MCF2L2: variants seen among roughly 807,000 people sequenced by gnomAD.
MCF2L2 encodes the protein probable guanine nucleotide exchange factor MCF2L2.
In MCF2L2, 102 loss-of-function variants were observed where a neutral mutation model predicts 150.2. The observed-to-expected ratio is 0.68, with a 90% CI of 0.58 to 0.80. The LOEUF is 0.80. Among genes scored for constraint, MCF2L2 ranks in the 30% least tolerant of loss-of-function variants. The pLI is 0.00. For synonymous variants in MCF2L2, 465 were observed against 491.3 expected, an observed-to-expected ratio of 0.95 and a Z score of 0.71; for missense variants, 1,256 against 1,372.8, an observed-to-expected ratio of 0.91 and a Z score of 1.34.
intron 14 of MCF2L2, among the ~76,000 whole-genome samples, chr3:183,285,427 A>G (rs1321558589): frequency 2.0e-5 from 3 of 152,260 alleles, no homozygotes; most frequent in African/African-American, 7.2e-5. Flanking sequence ...AGCTAGTTTC[A>G]AATCCCAGCT....
rs548559555 is a variant in MCF2L2 at position 183,204,990 on chromosome 3, G to T, written c.2884+886C>A. Among the ~76,000 whole-genome samples, 3 of 152,354 alleles carry T rather than the reference G, an allele frequency of 2.0e-5. No homozygotes were observed. In the South Asian group the frequency reaches 6.2e-4, roughly 32 times the overall value. ...TGCCAGGGGCTGGGTAAAGGTGAGA[G>T]ATGGAGAATGATTGCTAATTGGTAC... On this transcript the variant is annotated intron_variant, in intron 25 of 29. Coordinates refer to ENST00000328913, the MANE Select transcript of MCF2L2 (RefSeq NM_015078.4).
At chr3:183,326,367 C>A (rs996371718) in intron 5 of MCF2L2, among the ~76,000 whole-genome samples, 1 of 151,764 alleles carries the variant, frequency 6.6e-6, no homozygotes, top group South Asian at 2.1e-4. Context: ...TGGTGGGTGC[C>A]TGTAATCCCA....
At chr3:183,415,389 G>A (rs574257041) in intron 1 of MCF2L2, among the ~76,000 whole-genome samples, 27 of 152,178 alleles carry the variant, frequency 1.8e-4, no homozygotes, top group African/African-American at 6.3e-4. Flanking sequence ...GTTTCACCAC[G>A]TTGGCCAGGC....
chr3:183,353,415 G>A (rs1007700353), intron 3 of MCF2L2, among the ~76,000 whole-genome samples: 3 of 152,102 alleles, frequency 2.0e-5, no homozygotes, highest in South Asian at 2.1e-4. Context: ...GTATTAGCCC[G>A]TTCCCGCACT....
At chr3:183,260,313 AC>A (rs930933480) in intron 15 of MCF2L2, among the ~76,000 whole-genome samples, 3 of 152,158 alleles carry the variant, frequency 2.0e-5, no homozygotes, top group African/African-American at 7.2e-5. Context: ...CATGGTAGTA[AC>A]TGTTGCTAGA....
At chr3:183,218,397 A>C (rs1348568714) in intron 21 of MCF2L2, among the ~76,000 whole-genome samples, 2 of 152,286 alleles carry the variant, frequency 1.3e-5, no homozygotes, top group East Asian at 3.9e-4. Flanking sequence ...GCACTTTGGG[A>C]GGCCGAGGGG....
intron 5 of MCF2L2, among the ~76,000 whole-genome samples, chr3:183,332,171 C>T (rs946515757): frequency 1.3e-5 from 2 of 152,152 alleles, no homozygotes; most frequent in African/African-American, 2.4e-5. Context: ...GAAGGCAACA[C>T]GTATTGAGAA....
intron 7 of MCF2L2, among the ~76,000 whole-genome samples, chr3:183,312,907 C>A (rs964725322): frequency 6.6e-6 from 1 of 152,216 alleles, no homozygotes; most frequent in Non-Finnish European, 1.5e-5. Context: ...TCTTTGGACA[C>A]CTCCTCTGGC....
intron 25 of MCF2L2, among the ~76,000 whole-genome samples, chr3:183,202,405 A>G (rs1430060672): frequency 6.6e-6 from 1 of 152,218 alleles, no homozygotes; most frequent in Non-Finnish European, 1.5e-5. Context: ...CAAAATATTT[A>G]TGAGACTCTA....
At position 183,318,215 on chromosome 3, in the gene MCF2L2, G is replaced by A; in HGVS notation, c.606C>T (p.Ala202=). 1 of 1,614,168 alleles carries A rather than the reference G, an allele frequency of 6.2e-7. No individual in the cohort carries two copies. The highest frequency in any genetic ancestry group is 8.5e-7 in the Non-Finnish European group (1 of 1,180,018). ...TCAAGGTCAAGGCAAAGTTTTCGAT[G>A]GCCTGGAAGGTCAGACAATTGTAAC... The part of the protein sequence containing the change: ...RHGQWVNHRT[A]IENFALTLKT... Residue 202 remains alanine, a splice_region_variant and synonymous_variant, in exon 7 of 30, where the codon GCC becomes GCT. Transcript: ENST00000328913.
In MCF2L2 at chr3:183,392,592, G is replaced by T. The variant is rs73184963; in HGVS notation, c.77-2813C>A. Among the ~76,000 whole-genome samples, 844 of 152,348 alleles carry T rather than the reference G, an allele frequency of 5.5e-3. 6 individuals carry two copies. Among genetic ancestry groups the T allele is most frequent in the Non-Finnish European group, 9.6e-3 (654 of 68,030 alleles). ...AGTGCTTGCTCTCCAGCCAGGAAGTGACATGGTTATCCTTGAAGTCTTCCT... is the reference window on the plus strand; with the variant it reads ...AGTGCTTGCTCTCCAGCCAGGAAGTTACATGGTTATCCTTGAAGTCTTCCT... On this transcript the variant is annotated intron_variant, in intron 1 of 29. Transcript: ENST00000328913.
chr3:183,334,052 T>G (rs978624613), intron 5 of MCF2L2, among the ~76,000 whole-genome samples: 3 of 151,318 alleles, frequency 2.0e-5, no homozygotes, highest in African/African-American at 7.3e-5. Context: ...CTGGGACAGC[T>G]GGAGCACCAC....
intron 1 of MCF2L2, among the ~76,000 whole-genome samples, chr3:183,401,182 A>G (rs1471590286): frequency 1.3e-5 from 2 of 152,210 alleles, no homozygotes; most frequent in African/African-American, 4.8e-5. Context: ...TGCCGTGCAG[A>G]GAGGATGATA....
chr3:183,182,074 G>A (rs910169251), intron 27 of MCF2L2, among the ~76,000 whole-genome samples: 4 of 152,174 alleles, frequency 2.6e-5, no homozygotes, highest in Non-Finnish European at 2.9e-5. Context: ...CACAGCGCTG[G>A]GCACAGAGGG....
intron 8 of MCF2L2, 47 bp from the exon 9 acceptor site, chr3:183,311,076 C>A: frequency 8.3e-7 from 1 of 1,211,072 alleles, no homozygotes; most frequent in South Asian, 1.2e-5. Context: ...CATTCATTTC[C>A]ACAGGCATCC....
At chr3:183,226,925 G>A (rs1723365430) in intron 18 of MCF2L2, 2 of 152,188 alleles carry the variant, frequency 1.3e-5, no homozygotes, top group Admixed American at 6.5e-5. Context: ...CAAAGCCTAT[G>A]ATGAGTTGAC....
rs1715000899 is a variant in MCF2L2 at position 183,405,537 on chromosome 3, T to TA, written c.77-15759dup. 2.0e-5 allele frequency among the ~76,000 whole-genome samples: 3 copies of TA among 152,310 alleles called. No homozygotes were observed. The South Asian group carries it at 6.2e-4, about 32-fold the overall frequency. On this transcript the variant is annotated intron_variant, in intron 1 of 29. Coordinates refer to ENST00000328913, the MANE Select transcript of MCF2L2 (RefSeq NM_015078.4). ...TTCCTATAGTTTTACCTTTTCCCAG[T>TA]ATCATAGAAAGATTAGTATGTACCT... is the stretch of plus-strand genomic sequence containing the variant.
At chr3:183,327,934 C>T (rs1730117127) in intron 5 of MCF2L2, among the ~76,000 whole-genome samples, 1 of 152,128 alleles carries the variant, frequency 6.6e-6, no homozygotes, top group Non-Finnish European at 1.5e-5. Context: ...CCCCTTTGGT[C>T]ACACCTGAGT....
At chr3:183,272,981 T>C in intron 15 of MCF2L2, 6 of 1,463,960 alleles carry the variant, frequency 4.1e-6, no homozygotes, top group Non-Finnish European at 5.4e-6. Context: ...TTCAAGGAAA[T>C]ATGAAGGCAC....
Sources: allele counts gnomAD v4.1 joint callset (sites outside exome capture counted in the v4.1 genomes callset), GRCh38; gene constraint gnomAD v4.1.1; transcripts MANE v1.5; gene names NCBI Gene and HGNC (gene_info 2026-07-23, HGNC 2026-07-21).